The following DLG2 variants were observed in gnomAD, a reference collection of about 807,000 sequenced individuals.
DLG2 encodes discs large MAGUK scaffold protein 2, also known as disks large homolog 2.
A neutral mutation model predicts 132.5 loss-of-function variants in DLG2; 45 were observed. The observed-to-expected ratio is 0.34, with a 90% CI of 0.27 to 0.44. The LOEUF is 0.44. Among genes scored for constraint, DLG2 ranks in the 20% least tolerant of loss-of-function variants. DLG2 has a pLI of 1.00. For synonymous variants in DLG2, 424 were observed against 419.6 expected (o/e 1.01, Z -0.13); for missense variants, 1,045 against 1,196.9 (o/e 0.87, Z 1.87).
intron 11 of DLG2, among the ~76,000 whole-genome samples, chr11:84,042,393 C>A (rs952009607): frequency 6.6e-6 from 1 of 151,494 alleles, no homozygotes; most frequent in Admixed American, 6.6e-5. Flanking sequence ...ATTTTCCTTG[C>A]TATTATTGCT....
intron 11 of DLG2, among the ~76,000 whole-genome samples, chr11:83,997,055 T>A (rs1319855549): frequency 6.6e-6 from 1 of 151,976 alleles, no homozygotes. Flanking sequence ...GTGACATGCC[T>A]GTATCAAAAT....
At chr11:85,627,997 G>A (rs1368404975), upstream of DLG2, 1 of 152,760 alleles carries the variant, frequency 6.5e-6, no homozygotes, top group Non-Finnish European at 1.5e-5. Flanking sequence ...GGGTCTTCTC[G>A]CGGGGGTAGT....
At chr11:84,555,652 G>A (rs191143193) in intron 6 of DLG2, among the ~76,000 whole-genome samples, 10 of 152,262 alleles carry the variant, frequency 6.6e-5, no homozygotes, top group Admixed American at 5.9e-4. Context: ...TAGTTATCAG[G>A]GACTAGAGAG....
intron 6 of DLG2, among the ~76,000 whole-genome samples, chr11:84,883,757 G>C (rs566670927): frequency 6.6e-6 from 1 of 152,188 alleles, no homozygotes; most frequent in African/African-American, 2.4e-5. Flanking sequence ...TTATCAGTGA[G>C]TTTCTTCTGG....
At chr11:83,624,999 C>G (rs1365799706) in intron 19 of DLG2, among the ~76,000 whole-genome samples, 2 of 152,136 alleles carry the variant, frequency 1.3e-5, no homozygotes, top group Non-Finnish European at 2.9e-5. Flanking sequence ...ATTCTGAATT[C>G]AAGAAGTTTC....
rs530500564 is a variant in DLG2, at chr11:85,578,460, T to C, written c.40+20197A>G. Among the ~76,000 whole-genome samples, 5 of 152,056 alleles carry C rather than the reference T, an allele frequency of 3.3e-5. No individual in the cohort carries two copies. The East Asian group carries it at 5.8e-4, about 18-fold the overall frequency. On this transcript the variant is annotated intron_variant, in intron 3 of 27. Transcript: ENST00000376104. ...CTCAACAGAGTGAACAGACAACCTA[T>C]ACAATGGGAGAAAAATTTTGCAAAC...
chr11:84,888,196 TG>T (rs1229349826), intron 6 of DLG2, among the ~76,000 whole-genome samples: 1 of 152,172 alleles, frequency 6.6e-6, no homozygotes, highest in Non-Finnish European at 1.5e-5. Flanking sequence ...TGTTTCTGAA[TG>T]TGTCTGTGAG....
intron 3 of DLG2, among the ~76,000 whole-genome samples, chr11:85,412,121 A>T (rs2089365977): frequency 6.6e-6 from 1 of 151,854 alleles, no homozygotes; most frequent in Admixed American, 6.6e-5. Context: ...AACCCATGTC[A>T]TTCCCCTGGT....
rs575411383 is a variant in DLG2 at position 85,130,371 on chromosome 11, T to C, written c.283-18636A>G. 2.6e-5 allele frequency among the ~76,000 whole-genome samples: 4 copies of C among 152,016 alleles called. No individual in the cohort carries two copies. The South Asian group carries it at 8.3e-4, about 32-fold the overall frequency. ...GAATTTATCTCTATAGTATGTCCAGTAGGGGAAAATGGCAGAACTCAGAGC... is the reference window on the plus strand; with the variant it reads ...GAATTTATCTCTATAGTATGTCCAGCAGGGGAAAATGGCAGAACTCAGAGC... On this transcript the variant is annotated intron_variant, in intron 5 of 27. Transcript: ENST00000376104.
intron 7 of DLG2, among the ~76,000 whole-genome samples, chr11:84,481,317 C>T (rs2099136986): frequency 6.6e-6 from 1 of 152,056 alleles, no homozygotes; most frequent in African/African-American, 2.4e-5. Flanking sequence ...CCCTGATTAT[C>T]TTTCAACTCT....
chr11:85,026,784 T>G (rs2060559922), intron 6 of DLG2, among the ~76,000 whole-genome samples: 1 of 151,872 alleles, frequency 6.6e-6, no homozygotes. Context: ...TTACAGTGAG[T>G]TGAGATCATG....
intron 17 of DLG2, among the ~76,000 whole-genome samples, chr11:83,793,721 C>G (rs912805543): frequency 3.3e-5 from 5 of 152,078 alleles, no homozygotes; most frequent in Admixed American, 6.5e-5. Flanking sequence ...GTATACCTAC[C>G]TACCTACCTA....
intron 6 of DLG2, among the ~76,000 whole-genome samples, chr11:84,679,654 T>C (rs2099723776): frequency 6.6e-6 from 1 of 152,118 alleles, no homozygotes; most frequent in Non-Finnish European, 1.5e-5. Context: ...GAGAGTTTAC[T>C]ATATGTCAAA....
chr11:85,001,102 C>CT (rs1189356463), intron 6 of DLG2, among the ~76,000 whole-genome samples: 2 of 151,200 alleles, frequency 1.3e-5, no homozygotes, highest in Non-Finnish European at 3.0e-5. Context: ...ATAGAAAGAA[C>CT]TTTTTTTTTG....
intron 6 of DLG2, among the ~76,000 whole-genome samples, chr11:84,736,956 C>A (rs1596937985): frequency 2.0e-5 from 3 of 152,026 alleles, no homozygotes; most frequent in Non-Finnish European, 4.4e-5. Flanking sequence ...AAACATTCAG[C>A]CTTTCACTAA....
intron 8 of DLG2, among the ~76,000 whole-genome samples, chr11:84,230,737 A>T (rs2097080476): frequency 1.3e-5 from 2 of 152,204 alleles, no homozygotes; most frequent in Non-Finnish European, 2.9e-5. Flanking sequence ...AAAGAAAAAA[A>T]ATTATGCAAT....
intron 6 of DLG2, among the ~76,000 whole-genome samples, chr11:84,733,693 T>C (rs2063458108): frequency 2.0e-5 from 3 of 152,216 alleles, no homozygotes; most frequent in South Asian, 2.1e-4. Flanking sequence ...TTTGGTGTTA[T>C]AGACATGAAG....
intron 7 of DLG2, among the ~76,000 whole-genome samples, chr11:84,477,598 A>C (rs1226214786): frequency 6.6e-6 from 1 of 152,192 alleles, no homozygotes; most frequent in Non-Finnish European, 1.5e-5. Flanking sequence ...AGAGTAAAGT[A>C]CTGAAAAATC....
At chr11:83,478,474 A>G (rs1195336875) in intron 22 of DLG2, among the ~76,000 whole-genome samples, 2 of 152,088 alleles carry the variant, frequency 1.3e-5, no homozygotes, top group Non-Finnish European at 2.9e-5. Context: ...TTTATGTGCA[A>G]CTAGTATTTA....
Sources: gnomAD v4.1 joint callset for allele counts (sites outside exome capture counted in the v4.1 genomes callset) on GRCh38, gnomAD v4.1.1 for gene constraint, MANE v1.5 for transcripts, NCBI Gene and HGNC (gene_info 2026-07-23, HGNC 2026-07-21) for gene names.